The following CLCC1 variants were observed in gnomAD, a reference collection of about 807,000 sequenced individuals.
The protein encoded by CLCC1 is chloride channel CLIC like 1.
Under a neutral mutation model 63.3 loss-of-function variants are expected in CLCC1, and 39 were observed. That is an observed-to-expected ratio of 0.62 (90% CI 0.48 to 0.81). The LOEUF (loss-of-function observed/expected upper bound fraction) is 0.81, where lower values mean the gene tolerates loss of function less well. CLCC1 is among the 30% of genes least tolerant of loss of function. CLCC1 has a pLI of 0.00. For missense variants in CLCC1, 549 were observed against 669.4 expected (o/e 0.82, Z 1.98); for synonymous variants, 217 against 239.8 (o/e 0.90, Z 0.88).
At chr1:108,953,171 C>T (rs970212851) in intron 2 of CLCC1, among the ~76,000 whole-genome samples, 5 of 152,192 alleles carry the variant, frequency 3.3e-5, no homozygotes, top group African/African-American at 1.2e-4. Flanking sequence ...ATGACAAAGC[C>T]CTGGGCCCTG....
chr1:108,929,985 C>T lies in CLCC1; in HGVS notation c.*2562G>A, dbSNP rs779324747. 67 of 1,541,662 alleles carry T rather than the reference C, an allele frequency of 4.3e-5. No individual in the cohort carries two copies. Among genetic ancestry groups the T allele is most frequent in the South Asian group, 6.8e-5 (6 of 88,336 alleles). Reference sequence around the variant, plus strand: ...TTTCCTTTCAAACACGGTAAGGAAACAATCTATTACTTTTTTCCTTAAAAG... The same window carrying T: ...TTTCCTTTCAAACACGGTAAGGAAATAATCTATTACTTTTTTCCTTAAAAG... On this transcript the variant is annotated 3_prime_UTR_variant, in exon 13 of 13. Coordinates refer to ENST00000369969, the MANE Select transcript of CLCC1 (RefSeq NM_001377458.1).
At chr1:108,942,112 C>T (rs1457778591) in intron 7 of CLCC1, among the ~76,000 whole-genome samples, 3 of 152,028 alleles carry the variant, frequency 2.0e-5, no homozygotes, top group Non-Finnish European at 2.9e-5. Context: ...CGTGATAGCA[C>T]GGGCCTGTAG....
chr1:108,947,497 G>A, intron 5 of CLCC1, 114 bp downstream of exon 5: 1 of 631,272 alleles, frequency 1.6e-6, no homozygotes, highest in Non-Finnish European at 2.7e-6. Flanking sequence ...TAAAGAGTCA[G>A]TCAGGTGGTC....
chr1:108,947,055 C>T (rs749096385), intron 5 of CLCC1, among the ~76,000 whole-genome samples: 16 of 151,814 alleles, frequency 1.1e-4, no homozygotes, highest in African/African-American at 3.6e-4. Context: ...TCCAGCTACT[C>T]GGGAGGCTGA....
At chr1:108,955,611 T>C (rs1655785416) in intron 2 of CLCC1, among the ~76,000 whole-genome samples, 1 of 151,552 alleles carries the variant, frequency 6.6e-6, no homozygotes, top group Non-Finnish European at 1.5e-5. Flanking sequence ...CCTTCTGATG[T>C]GTCTGAAGGG....
At chr1:108,954,510 A>AC (rs1655610086) in intron 2 of CLCC1, among the ~76,000 whole-genome samples, 1 of 150,870 alleles carries the variant, frequency 6.6e-6, no homozygotes, top group Non-Finnish European at 1.5e-5. Context: ...AAAAACAACA[A>AC]CAACCACCAC....
At chr1:108,937,583 A>C (rs956937250) in intron 10 of CLCC1, among the ~76,000 whole-genome samples, 165 bp from the exon 11 acceptor site, 11 of 152,238 alleles carry the variant, frequency 7.2e-5, no homozygotes, top group African/African-American at 2.4e-4. Context: ...AGACCTCTTT[A>C]GATTAATACA....
At position 108,940,072 on chromosome 1, in the gene CLCC1, G is replaced by A. The variant is rs1653640876; in HGVS notation, c.867C>T (p.Asn289=). 1 of 1,613,422 alleles carries A rather than the reference G, an allele frequency of 6.2e-7. No individual in the cohort carries two copies. Among genetic ancestry groups the A allele is most frequent in the Admixed American group, 1.7e-5 (1 of 59,968 alleles). The change falls in exon 9 of 13, where the codon AAC becomes AAT. Residue 289 remains asparagine (N), a synonymous_variant. Coordinates refer to ENST00000369969, the MANE Select transcript of CLCC1 (RefSeq NM_001377458.1). ...CQKYYELLLV[N]PIWLVPPTKA... is the part of the protein sequence containing the mutation. ...TTGTTGGTGGGACCAACCAAATAGGGTTGACTAGTAAGAGCTCATAGTATT... is the reference window on the plus strand; with the variant it reads ...TTGTTGGTGGGACCAACCAAATAGGATTGACTAGTAAGAGCTCATAGTATT...
chr1:108,954,188 G>T (rs1437478894), intron 2 of CLCC1, among the ~76,000 whole-genome samples: 1 of 150,880 alleles, frequency 6.6e-6, no homozygotes, highest in Admixed American at 6.6e-5. Context: ...AGGTAGAGGT[G>T]GGTGGGTGGT....
In CLCC1 at chr1:108,934,822, T is replaced by A. The variant is rs1399869551; in HGVS notation, c.1504A>T (p.Thr502Ser). ...QSAKPVSGQD[T>S]SGNTEGSPAA... ...GGTGAACCTTCTGTATTCCCTGATG[T>A]GTCTTGGCCAGAGACAGGCTTGGCC... Residue 502 changes from threonine to serine, a missense_variant, in exon 12 of 13, where the codon ACA (threonine) becomes TCA (serine). Coordinates refer to ENST00000369969, the MANE Select transcript of CLCC1 (RefSeq NM_001377458.1). The A allele has an allele frequency of 1.2e-6, 2 of 1,614,078 alleles. No homozygotes were observed. The highest frequency in any genetic ancestry group is 2.7e-5 in the African/African-American group (2 of 74,924).
At chr1:108,950,536 T>A (rs1185584501) in intron 2 of CLCC1, 88 bp from the exon 3 acceptor site, 13 of 578,704 alleles carry the variant, frequency 2.2e-5, no homozygotes, top group Non-Finnish European at 2.9e-5. Flanking sequence ...TATTATTATT[T>A]TTAGAGACAG....
chr1:108,936,085 G>GTTTT lies in CLCC1; in HGVS notation c.1383+988_1383+991dup, dbSNP rs530980387. Among the ~76,000 whole-genome samples the GTTTT allele has an allele frequency of 4.0e-3, 349 of 88,106 alleles. 1 individual carries two copies. Among genetic ancestry groups the GTTTT allele is most frequent in the East Asian group, 8.9e-3 (22 of 2,464 alleles). 57.8% of individuals were successfully genotyped at this position (88,106 alleles called of 152,430 possible). ...AAAGCTGGAAGGACCATCTTAAGTT[G>GTTTT]TTTTTTTTTTTTTTTTTTTTTTTTT... is the stretch of plus-strand genomic sequence containing the variant. On this transcript the variant is annotated intron_variant, in intron 11 of 12. Transcript: ENST00000369969.
chr1:108,931,229 A>T lies in CLCC1; in HGVS notation c.*1318T>A. Reference sequence around the variant, plus strand: ...GGACACATAAACAAACAGAAAACAGATGAAAACTCACAAAAATTAAATATG... The same window carrying T: ...GGACACATAAACAAACAGAAAACAGTTGAAAACTCACAAAAATTAAATATG... On this transcript the variant is annotated 3_prime_UTR_variant, in exon 13 of 13. Coordinates refer to ENST00000369969, the MANE Select transcript of CLCC1 (RefSeq NM_001377458.1). 7.3e-7 allele frequency: 1 copy of T among 1,366,264 alleles called. No individual in the cohort carries two copies. Among genetic ancestry groups the T allele is most frequent in the South Asian group, 1.5e-5 (1 of 65,228 alleles). The allele number at this position is 1,366,264 out of a possible 1,614,324, so 84.6% of individuals were successfully genotyped here.
chr1:108,952,667 G>A (rs1036694088), intron 2 of CLCC1, among the ~76,000 whole-genome samples: 3 of 152,004 alleles, frequency 2.0e-5, no homozygotes, highest in Non-Finnish European at 4.4e-5. Context: ...AGGCATGGTG[G>A]TGTGTGCCTG....
At chr1:108,954,817 C>CGT (rs58482013) in intron 2 of CLCC1, among the ~76,000 whole-genome samples, 13,949 of 140,414 alleles carry the variant, frequency 0.099, 856 homozygotes, top group Admixed American at 0.14. Flanking sequence ...ACTGTCTTTG[C>CGT]GTGTGTGTGT....
intron 2 of CLCC1, 38 bp from the exon 3 acceptor site, chr1:108,950,486 AT>A (rs921564084): frequency 2.5e-5 from 30 of 1,209,368 alleles, no homozygotes; most frequent in Admixed American, 6.6e-5. Flanking sequence ...AAATAGAATT[AT>A]TTTTTTAAAT....
chr1:108,941,476 G>A lies in CLCC1; in HGVS notation c.725C>T (p.Ala242Val). The stretch of plus-strand genomic sequence containing the variant: ...TAATGGCTCCATCTTGGCGACTTCA[G>A]CCTGATGCTGTGCAAAAGCTAGCTG... ...LYKLAFAQHQ[A>V]EVAKMEPLNN... is the part of the protein sequence containing the mutation. Residue 242 changes from alanine (A) to valine (V), a missense_variant, in exon 8 of 13, where the codon GCT becomes GTT. Transcript: ENST00000369969. The A allele has an allele frequency of 6.2e-7, 1 of 1,614,066 alleles. No homozygotes were observed. Among genetic ancestry groups the A allele is most frequent in the Non-Finnish European group, 8.5e-7 (1 of 1,180,016 alleles).
intron 10 of CLCC1, among the ~76,000 whole-genome samples, chr1:108,939,196 A>AATATAAATATATAAT (rs1653446756): frequency 6.9e-6 from 1 of 144,506 alleles, no homozygotes; most frequent in Non-Finnish European, 1.5e-5. Flanking sequence ...TATATATATA[A>AATATAAATATATAAT]ATATAAATAT....
chr1:108,951,766 C>CT (rs34333498), intron 2 of CLCC1, among the ~76,000 whole-genome samples: 58,102 of 132,240 alleles, frequency 0.44, 13,160 homozygotes, highest in East Asian at 0.58. Context: ...GAATTGTATA[C>CT]TTTTTTTTTT....
Sources: allele counts gnomAD v4.1 joint callset (sites outside exome capture counted in the v4.1 genomes callset), GRCh38; gene constraint gnomAD v4.1.1; transcripts MANE v1.5; gene names NCBI Gene and HGNC (gene_info 2026-07-23, HGNC 2026-07-21).